The following DRC10 variants were observed in gnomAD, a reference collection of about 807,000 sequenced individuals.
The protein encoded by DRC10 is IQ domain-containing protein D.
At chr12:113,208,971 G>A in the DRC10 span, among the ~76,000 whole-genome samples, 11 of 152,224 alleles carry the variant, frequency 7.2e-5, no homozygotes, top group East Asian at 1.5e-3. Flanking sequence ...TTGCTCTGTC[G>A]CCCAGGCTGC....
chr12:113,217,884 A>G, the DRC10 span, among the ~76,000 whole-genome samples: 1 of 152,192 alleles, frequency 6.6e-6, no homozygotes, highest in African/African-American at 2.4e-5. Flanking sequence ...ATCATGCAGT[A>G]TGTAATTGTT....
chr12:113,207,078 A>G, the DRC10 span: 9 of 358,884 alleles, frequency 2.5e-5, no homozygotes, highest in Middle Eastern at 9.8e-4. Context: ...CAGTCAATCA[A>G]TTGGCCAGGC....
the DRC10 span, among the ~76,000 whole-genome samples, chr12:113,210,455 T>C: frequency 1.3e-5 from 2 of 152,112 alleles, no homozygotes; most frequent in Non-Finnish European, 2.9e-5. Context: ...TCTGATGCAA[T>C]TGCTGAACGA....
the DRC10 span, chr12:113,207,576 TTTTTCA>T: frequency 6.2e-7 from 1 of 1,614,120 alleles, no homozygotes; most frequent in Non-Finnish European, 8.5e-7. Flanking sequence ...TAGTGAGTAG[TTTTTCA>T]AACAGGAAAC....
At chr12:113,208,226 C>A in the DRC10 span, 1 of 1,533,532 alleles carries the variant, frequency 6.5e-7, no homozygotes, top group Middle Eastern at 2.3e-4. Flanking sequence ...CGGTAGACTA[C>A]TTGGGTCTCG....
chr12:113,197,551 C>T, the DRC10 span: 4 of 1,532,266 alleles, frequency 2.6e-6, no homozygotes, highest in South Asian at 4.8e-5. Flanking sequence ...CTGCTTCTCA[C>T]CCATCTCTGT....
chr12:113,205,919 A>G, the DRC10 span, among the ~76,000 whole-genome samples: 20 of 146,414 alleles, frequency 1.4e-4, no homozygotes, highest in African/African-American at 3.3e-4. Flanking sequence ...AAAAAAAAAA[A>G]AAAAAGAAAT....
chr12:113,207,124 G>T, the DRC10 span: 1 of 395,152 alleles, frequency 2.5e-6, no homozygotes. Flanking sequence ...AAAGCAGGAG[G>T]ATCACTTGAG....
At chr12:113,196,018 A>C in the DRC10 span, 1 of 1,361,672 alleles carries the variant, frequency 7.3e-7, no homozygotes, top group African/African-American at 1.5e-5. Flanking sequence ...GCTGTTCAGC[A>C]TCTCTCGGTC....
chr12:113,219,242 G>A, the DRC10 span, among the ~76,000 whole-genome samples: 13 of 151,966 alleles, frequency 8.6e-5, no homozygotes, highest in Non-Finnish European at 1.8e-4. Context: ...TGCTATGTTG[G>A]CCAGGCTGGT....
chr12:113,218,924 G>A, the DRC10 span, among the ~76,000 whole-genome samples: 1 of 152,336 alleles, frequency 6.6e-6, no homozygotes, highest in East Asian at 1.9e-4. Flanking sequence ...TGTTAAGGGT[G>A]ATGTTGCTAA....
At chr12:113,201,794 T>C in the DRC10 span, among the ~76,000 whole-genome samples, 1 of 152,232 alleles carries the variant, frequency 6.6e-6, no homozygotes, top group South Asian at 2.1e-4. Context: ...ATCTGCTCAC[T>C]TCCTGCACAC....
the DRC10 span, among the ~76,000 whole-genome samples, chr12:113,198,229 A>T: frequency 1.0e-3 from 153 of 150,890 alleles, no homozygotes; most frequent in African/African-American, 3.4e-3. Flanking sequence ...AATAAAAATT[A>T]AAAAAAAAAT....
At chr12:113,218,053 T>A in the DRC10 span, among the ~76,000 whole-genome samples, 1 of 152,082 alleles carries the variant, frequency 6.6e-6, no homozygotes, top group East Asian at 1.9e-4. Flanking sequence ...TTGCTAAATA[T>A]CCTACAATTG....
chr12:113,217,696 T>A, the DRC10 span, among the ~76,000 whole-genome samples: 1 of 152,170 alleles, frequency 6.6e-6, no homozygotes, highest in Non-Finnish European at 1.5e-5. Context: ...CACGCTTGGC[T>A]AATTTTTACG....
chr12:113,207,547 T>A, the DRC10 span: 1 of 1,614,090 alleles, frequency 6.2e-7, no homozygotes, highest in Non-Finnish European at 8.5e-7. Context: ...CTGGGCCTTA[T>A]CCCTCGCTTC....
At chr12:113,197,144 G>T in the DRC10 span, among the ~76,000 whole-genome samples, 6 of 150,744 alleles carry the variant, frequency 4.0e-5, no homozygotes, top group African/African-American at 1.5e-4. Context: ...ATGGAGCCAT[G>T]ATCATTAGGC....
the DRC10 span, among the ~76,000 whole-genome samples, chr12:113,209,495 G>C: frequency 6.6e-6 from 1 of 152,174 alleles, no homozygotes; most frequent in Admixed American, 6.5e-5. Context: ...GGGCTCAAGT[G>C]ATCCTCCTGT....
the DRC10 span, among the ~76,000 whole-genome samples, chr12:113,213,156 G>A: frequency 7.7e-5 from 9 of 116,680 alleles, no homozygotes; most frequent in African/African-American, 3.0e-4. Context: ...AAACTGGCAA[G>A]TGGAAAAGTC....
Sources: gnomAD v4.1 joint callset for allele counts (sites outside exome capture counted in the v4.1 genomes callset) on GRCh38, gnomAD v4.1.1 for gene constraint, MANE v1.5 for transcripts, NCBI Gene and HGNC (gene_info 2026-07-23, HGNC 2026-07-21) for gene names.